The following SCN8A variants were observed in gnomAD, a reference collection of about 807,000 sequenced individuals.
SCN8A encodes sodium channel protein type 8 subunit alpha.
In SCN8A, 30 loss-of-function variants were observed where a neutral mutation model predicts 184.1. The ratio of observed to expected loss-of-function variants is 0.16; its 90% CI spans 0.12 to 0.22. SCN8A has a LOEUF of 0.22. SCN8A is among the 10% of genes least tolerant of loss of function. SCN8A has a pLI of 1.00. For synonymous variants in SCN8A, 852 were observed against 907.0 expected (o/e 0.94, Z 1.09); for missense variants, 1,057 against 2,498.9 (o/e 0.42, Z 12.30).
chr12:51,658,476 A>G (rs1940866190), intron 1 of SCN8A, among the ~76,000 whole-genome samples: 1 of 152,090 alleles, frequency 6.6e-6, no homozygotes, highest in Non-Finnish European at 1.5e-5. Context: ...CCTGCATGAA[A>G]TACCATAGAA....
chr12:51,715,427 A>C (rs894121761), intron 11 of SCN8A, among the ~76,000 whole-genome samples: 2 of 152,056 alleles, frequency 1.3e-5, no homozygotes, highest in African/African-American at 4.8e-5. Context: ...TGTCTCGTTC[A>C]CCACTGTATC....
At chr12:51,597,184 G>A (rs138102878) in intron 1 of SCN8A, among the ~76,000 whole-genome samples, 94 of 152,306 alleles carry the variant, frequency 6.2e-4, no homozygotes, top group African/African-American at 2.1e-3. Flanking sequence ...AAGCTCTCTT[G>A]ATCCTGGAAG....
At chr12:51,801,264 A>G (rs953194654) in intron 26 of SCN8A, among the ~76,000 whole-genome samples, 1 of 152,188 alleles carries the variant, frequency 6.6e-6, no homozygotes, top group Non-Finnish European at 1.5e-5. Context: ...GGATCCAATT[A>G]TTCCCATTGC....
At chr12:51,640,235 T>G (rs1278762576) in intron 1 of SCN8A, among the ~76,000 whole-genome samples, 2 of 126,344 alleles carry the variant, frequency 1.6e-5, no homozygotes, top group East Asian at 2.2e-4. Flanking sequence ...TTTTTTTTTT[T>G]TTTTTTTTTT....
chr12:51,769,365 T>A (rs1193954550), intron 17 of SCN8A, 30 bp downstream of exon 17: 6 of 1,514,402 alleles, frequency 4.0e-6, no homozygotes, highest in Non-Finnish European at 5.4e-6. Flanking sequence ...ACAGCCTTGA[T>A]CCTGTGTGAG....
intron 26 of SCN8A, among the ~76,000 whole-genome samples, chr12:51,801,963 G>A (rs1195426469): frequency 6.6e-6 from 1 of 152,124 alleles, no homozygotes; most frequent in Non-Finnish European, 1.5e-5. Context: ...GCTGAGGCAC[G>A]AGAATCACTT....
Position 51,806,455 on chromosome 12 carries a change from C to T in SCN8A, c.4969C>T (p.Leu1657=), listed in dbSNP as rs374755275. 236 of 1,614,234 alleles carry T rather than the reference C, an allele frequency of 1.5e-4. No individual in the cohort carries two copies. The highest frequency in any genetic ancestry group is 1.6e-4 in the Non-Finnish European group (194 of 1,180,040). The part of the protein sequence containing the change: ...SLPALFNIGL[L]LFLVMFIFSI... The stretch of plus-strand genomic sequence containing the variant: ...GCCTGCCCTGTTCAACATCGGCCTT[C>T]TGCTCTTCCTGGTCATGTTCATCTT... The change falls in exon 27 of 27, where the codon CTG becomes TTG. Residue 1657 remains leucine (L), a synonymous_variant. Transcript: ENST00000627620. This position sits in a 1 kb window ranked among gnomAD's most constrained non-coding sequence, Gnocchi z 8.7.
At chr12:51,775,248 ACT>A (rs767591152) in intron 20 of SCN8A, among the ~76,000 whole-genome samples, 1 of 152,206 alleles carries the variant, frequency 6.6e-6, no homozygotes, top group Non-Finnish European at 1.5e-5. Context: ...TGGAGACTAG[ACT>A]GGTCATGTAG....
chr12:51,645,400 G>T (rs971332692), intron 1 of SCN8A, among the ~76,000 whole-genome samples: 1 of 147,092 alleles, frequency 6.8e-6, no homozygotes, highest in East Asian at 2.1e-4. Flanking sequence ...GCCCGGCCGC[G>T]CCTACTGGGA....
chr12:51,675,066 G>A lies in SCN8A; in HGVS notation c.277-9108G>A, dbSNP rs143006748. ...TTAATATGCTTTACATAATAAGCCT[G>A]CATTTTGCTCTTGCTTAGAGCAACT... On this transcript the variant is annotated intron_variant, in intron 2 of 26. Transcript: ENST00000627620. Among the ~76,000 whole-genome samples, 370 of 152,306 alleles carry A rather than the reference G, an allele frequency of 2.4e-3. 4 individuals are homozygous for A. The highest frequency in any genetic ancestry group is 8.5e-3 in the African/African-American group (353 of 41,568).
At chr12:51,723,142 AT>A (rs1367445180) in intron 12 of SCN8A, 5 of 152,208 alleles carry the variant, frequency 3.3e-5, no homozygotes, top group African/African-American at 1.2e-4. Context: ...TCAAAAGGCA[AT>A]TTGTATGTGT....
chr12:51,776,840 G>A (rs1176958016), intron 20 of SCN8A, among the ~76,000 whole-genome samples: 4 of 152,200 alleles, frequency 2.6e-5, no homozygotes, highest in Non-Finnish European at 5.9e-5. Flanking sequence ...CATCGCATTT[G>A]TTTCCCTAAT....
chr12:51,671,999 A>T (rs1941140030), intron 2 of SCN8A, among the ~76,000 whole-genome samples: 1 of 151,972 alleles, frequency 6.6e-6, no homozygotes, highest in Admixed American at 6.6e-5. Flanking sequence ...CCAATCCCTC[A>T]CCCCTGTCTT....
intron 1 of SCN8A, among the ~76,000 whole-genome samples, chr12:51,605,351 G>A (rs1197061278): frequency 1.3e-5 from 2 of 152,106 alleles, no homozygotes; most frequent in Non-Finnish European, 2.9e-5. Context: ...ATGATGTTTG[G>A]TTTTCCATTC....
chr12:51,613,091 G>GT (rs1002561485), intron 1 of SCN8A, among the ~76,000 whole-genome samples: 4 of 151,950 alleles, frequency 2.6e-5, no homozygotes, highest in African/African-American at 7.3e-5. Flanking sequence ...CTGTAGTTTT[G>GT]TTTTTTTCTT....
At chr12:51,794,733 C>G in intron 26 of SCN8A, 92 bp downstream of exon 26, 2 of 1,294,738 alleles carry the variant, frequency 1.5e-6, no homozygotes, top group Non-Finnish European at 2.1e-6. Context: ...TGACACAGGT[C>G]TGAAGTGCAG....
At chr12:51,703,277 A>G (rs1042086527) in intron 9 of SCN8A, among the ~76,000 whole-genome samples, 1 of 150,080 alleles carries the variant, frequency 6.7e-6, no homozygotes, top group Non-Finnish European at 1.5e-5. Context: ...TGAGGTAGGT[A>G]CTACAGGCAT....
At chr12:51,721,472 C>G in intron 11 of SCN8A, 74 bp from the exon 12 acceptor site, 1 of 1,455,280 alleles carries the variant, frequency 6.9e-7, no homozygotes, top group Non-Finnish European at 9.2e-7. Context: ...AACCTAACCA[C>G]TTTGCTCAGT....
chr12:51,700,507 G>T (rs1425121666), intron 7 of SCN8A, among the ~76,000 whole-genome samples: 1 of 152,124 alleles, frequency 6.6e-6, no homozygotes, highest in African/African-American at 2.4e-5. Flanking sequence ...GATCTTTAAG[G>T]CACTATTCAA....
Sources: allele counts gnomAD v4.1 joint callset (sites outside exome capture counted in the v4.1 genomes callset), GRCh38; gene constraint gnomAD v4.1.1; non-coding constraint Gnocchi (gnomAD v3.1); transcripts MANE v1.5; gene names NCBI Gene and HGNC (gene_info 2026-07-23, HGNC 2026-07-21).